The following CDH20 variants were observed in gnomAD, a reference collection of about 807,000 sequenced individuals.
CDH20 encodes the protein cadherin 20.
In CDH20, 29 loss-of-function variants were observed where a neutral mutation model predicts 74.2. The ratio of observed to expected loss-of-function variants is 0.39; its 90% CI spans 0.29 to 0.53. CDH20 has a LOEUF of 0.53. Ranked by LOEUF, CDH20 falls within the 20% of genes least tolerant of loss-of-function variation. The probability of loss-of-function intolerance (pLI) is 0.69; values close to 1 mark genes in which losing one functional copy is unlikely to be tolerated. For missense variants in CDH20, 988 were observed against 1,048.3 expected (o/e 0.94, Z 0.79); for synonymous variants, 469 against 405.4 (o/e 1.16, Z -1.88).
At chr18:61,437,546 A>T (rs1908879672) in intron 1 of CDH20, among the ~76,000 whole-genome samples, 1 of 152,214 alleles carries the variant, frequency 6.6e-6, no homozygotes, top group South Asian at 2.1e-4. Context: ...TGGTGCCATA[A>T]GAAATAACTT....
At chr18:61,471,403 CAA>C (rs576318865) in intron 1 of CDH20, among the ~76,000 whole-genome samples, 204 of 152,184 alleles carry the variant, frequency 1.3e-3, no homozygotes, top group African/African-American at 4.2e-3. Flanking sequence ...TATCTCCCAG[CAA>C]AAGTCATTTA....
At chr18:61,484,828 C>T (rs999064410) in intron 1 of CDH20, among the ~76,000 whole-genome samples, 4 of 151,482 alleles carry the variant, frequency 2.6e-5, no homozygotes, top group Non-Finnish European at 4.4e-5. Flanking sequence ...TCCTAAACTG[C>T]AATTAAGCTA....
intron 11 of CDH20, among the ~76,000 whole-genome samples, chr18:61,551,972 A>T (rs1913451826): frequency 6.6e-6 from 1 of 152,192 alleles, no homozygotes; most frequent in Admixed American, 6.5e-5. Flanking sequence ...TTGTCTTTTA[A>T]ACCGTACAGA....
chr18:61,418,381 C>A (rs1029579841), intron 1 of CDH20, among the ~76,000 whole-genome samples: 3 of 151,740 alleles, frequency 2.0e-5, no homozygotes, highest in Non-Finnish European at 4.4e-5. Flanking sequence ...GGTGAAACCC[C>A]GTCTCTACTA....
intron 2 of CDH20, among the ~76,000 whole-genome samples, chr18:61,497,844 T>C (rs1333388662): frequency 6.6e-6 from 1 of 152,138 alleles, no homozygotes; most frequent in Admixed American, 6.5e-5. Flanking sequence ...GGCTGTTTTA[T>C]CAAATAATCT....
rs776559067 is a variant in CDH20, at chr18:61,549,989, C to G, written c.1660C>G (p.Arg554Gly). 1.2e-6 allele frequency: 2 copies of G among 1,613,946 alleles called. No homozygotes were observed. Among genetic ancestry groups the G allele is most frequent in the East Asian group, 2.2e-5 (1 of 44,866 alleles). ...TIRDNQDNTA[R>G]ILTRRSGFRQ... ...CCTCCTTCTTTCAGATAACACAGCACGGATTCTAACCAGGAGGTCTGGTTT... is the reference window on the plus strand; with the variant it reads ...CCTCCTTCTTTCAGATAACACAGCAGGGATTCTAACCAGGAGGTCTGGTTT... Residue 554 changes from arginine to glycine, a missense_variant, in exon 11 of 12, where the codon CGG (arginine) becomes GGG (glycine). Coordinates refer to ENST00000262717, the MANE Select transcript of CDH20 (RefSeq NM_031891.4).
At chr18:61,350,230 CTA>C (rs1910260345) in intron 1 of CDH20, among the ~76,000 whole-genome samples, 1 of 152,102 alleles carries the variant, frequency 6.6e-6, no homozygotes, top group Admixed American at 6.5e-5. Flanking sequence ...CCCAAAGAAT[CTA>C]TGTTATTCTC....
At chr18:61,520,315 C>CAAAAAAA (rs58685164) in intron 6 of CDH20, among the ~76,000 whole-genome samples, 2 of 122,040 alleles carry the variant, frequency 1.6e-5, no homozygotes, top group South Asian at 3.0e-4. Context: ...GACTCCGTCT[C>CAAAAAAA]AAAAAAAAAA....
chr18:61,359,480 C>A (rs776237397), intron 1 of CDH20, among the ~76,000 whole-genome samples: 1 of 152,018 alleles, frequency 6.6e-6, no homozygotes, highest in Non-Finnish European at 1.5e-5. Context: ...AAATGAGAAC[C>A]TTTTCATGAC....
chr18:61,522,377 C>G (rs148370320), intron 6 of CDH20, among the ~76,000 whole-genome samples: 122 of 152,256 alleles, frequency 8.0e-4, no homozygotes, highest in African/African-American at 2.8e-3. Flanking sequence ...AGGACCTCTT[C>G]AAGGAGAACT....
chr18:61,389,813 AG>A (rs1324688221), intron 1 of CDH20, among the ~76,000 whole-genome samples: 13 of 152,268 alleles, frequency 8.5e-5, no homozygotes, highest in African/African-American at 3.1e-4. Flanking sequence ...TTCTATCAAA[AG>A]CTAACATGCC....
chr18:61,433,674 G>GA (rs1908730748), intron 1 of CDH20, among the ~76,000 whole-genome samples: 1 of 152,130 alleles, frequency 6.6e-6, no homozygotes, highest in Non-Finnish European at 1.5e-5. Context: ...AATCTAAGCT[G>GA]AATATAGTAT....
At chr18:61,548,230 G>A (rs1913319194) in intron 10 of CDH20, among the ~76,000 whole-genome samples, 1 of 152,154 alleles carries the variant, frequency 6.6e-6, no homozygotes, top group African/African-American at 2.4e-5. Context: ...GCAGGAAGAG[G>A]TTATGCTTAT....
chr18:61,494,079 T>C (rs183784405), intron 2 of CDH20, among the ~76,000 whole-genome samples: 1 of 152,190 alleles, frequency 6.6e-6, no homozygotes, highest in African/African-American at 2.4e-5. Context: ...GTGAGGTGAG[T>C]ATAACACAGG....
chr18:61,538,709 C>CACCACTGCAAGCTCCA (rs1465495461), intron 8 of CDH20, among the ~76,000 whole-genome samples: 1 of 149,554 alleles, frequency 6.7e-6, no homozygotes, highest in African/African-American at 2.5e-5. Context: ...AGCTCCACCT[C>CACCACTGCAAGCTCCA]CCGGGTTCAC....
At chr18:61,483,238 G>A (rs888785808) in intron 1 of CDH20, among the ~76,000 whole-genome samples, 6 of 152,108 alleles carry the variant, frequency 3.9e-5, no homozygotes, top group African/African-American at 9.7e-5. Context: ...CACTCCTGAC[G>A]AAGAATTCCA....
In CDH20 at chr18:61,503,068, A is replaced by G; in HGVS notation, c.777A>G (p.Thr259=). 1 of 1,613,808 alleles carries G rather than the reference A, an allele frequency of 6.2e-7. No individual in the cohort carries two copies. Among genetic ancestry groups the G allele is most frequent in the Admixed American group, 1.7e-5 (1 of 59,966 alleles). The stretch of plus-strand genomic sequence containing the variant: ...TTGGAGGATTAGCTGGGACCACAAC[A>G]GTCAACATCACCCTCTCAGATGTCA... ...GQLGGLAGTT[T]VNITLSDVND... The change falls in exon 5 of 12, where the codon ACA becomes ACG. Residue 259 remains threonine (T), a synonymous_variant. Transcript: ENST00000262717.
intron 10 of CDH20, among the ~76,000 whole-genome samples, chr18:61,548,387 A>G (rs1188581950): frequency 2.0e-5 from 3 of 152,222 alleles, no homozygotes; most frequent in African/African-American, 7.2e-5. Context: ...AACAAATAAT[A>G]AAATCACTCT....
At chr18:61,433,330 T>C (rs1568137354) in intron 1 of CDH20, among the ~76,000 whole-genome samples, 1 of 152,178 alleles carries the variant, frequency 6.6e-6, no homozygotes, top group Non-Finnish European at 1.5e-5. Flanking sequence ...TATAGAACTG[T>C]TTGTGATTAA....
Sources: gnomAD v4.1 joint callset for allele counts (sites outside exome capture counted in the v4.1 genomes callset) on GRCh38, gnomAD v4.1.1 for gene constraint, MANE v1.5 for transcripts, NCBI Gene and HGNC (gene_info 2026-07-23, HGNC 2026-07-21) for gene names.